Variants in SLIT3 observed in about 807,000 individuals in gnomAD.
The protein encoded by SLIT3 is slit homolog 3 protein.
A neutral mutation model predicts 184.0 loss-of-function variants in SLIT3; 68 were observed. That is an observed-to-expected ratio of 0.37 (90% confidence interval 0.30 to 0.45). SLIT3 has a LOEUF of 0.45. Ranked by LOEUF, SLIT3 falls within the 20% of genes least tolerant of loss-of-function variation. SLIT3 has a pLI of 1.00. For missense variants in SLIT3, 1,707 were observed against 2,026.0 expected, an observed-to-expected ratio of 0.84 and a Z score of 3.02; for synonymous variants, 831 against 828.6, an observed-to-expected ratio of 1.00 and a Z score of -0.05.
At chr5:169,117,866 C>T (rs556242995) in intron 4 of SLIT3, among the ~76,000 whole-genome samples, 4 of 152,298 alleles carry the variant, frequency 2.6e-5, no homozygotes, top group South Asian at 4.1e-4. Flanking sequence ...TGGCCCTTTA[C>T]GTGACACCCA....
At chr5:168,843,369 T>G (rs915574623) in intron 6 of SLIT3, among the ~76,000 whole-genome samples, 21 of 152,192 alleles carry the variant, frequency 1.4e-4, no homozygotes, top group African/African-American at 5.1e-4. Flanking sequence ...ACCTGTTTAT[T>G]TGGCATTCAT....
chr5:169,060,107 A>G (rs1758129866), intron 4 of SLIT3, among the ~76,000 whole-genome samples: 1 of 152,240 alleles, frequency 6.6e-6, no homozygotes, highest in Admixed American at 6.5e-5. Flanking sequence ...TGTTTGAAAT[A>G]GGCCACGCGC....
chr5:169,094,860 C>T (rs2113212871), intron 4 of SLIT3, among the ~76,000 whole-genome samples: 1 of 152,350 alleles, frequency 6.6e-6, no homozygotes, highest in Non-Finnish European at 1.5e-5. Context: ...TGCATCACAA[C>T]AGAAGAGCTG....
In SLIT3 at chr5:168,911,804, C is replaced by T. The variant is rs1365124297; in HGVS notation, c.414-28468G>A. Among the ~76,000 whole-genome samples the T allele has an allele frequency of 3.3e-5, 5 of 152,290 alleles. No individual in the cohort carries two copies. In the East Asian group the frequency reaches 9.6e-4, roughly 29 times the overall value. ...CTCATGTGTTGTAGCTCTCTCTTGCCTCAATTATCTTAGAGAGTCTTAGAA... is the reference window on the plus strand; with the variant it reads ...CTCATGTGTTGTAGCTCTCTCTTGCTTCAATTATCTTAGAGAGTCTTAGAA... On this transcript the variant is annotated intron_variant, in intron 4 of 35. Coordinates refer to ENST00000519560, the MANE Select transcript of SLIT3 (RefSeq NM_003062.4).
At chr5:168,896,524 T>C (rs1760668735) in intron 4 of SLIT3, among the ~76,000 whole-genome samples, 1 of 152,066 alleles carries the variant, frequency 6.6e-6, no homozygotes. Flanking sequence ...CAACTCCAGG[T>C]CAAGTTCAAT....
At chr5:169,022,191 C>A (rs1008759901) in intron 4 of SLIT3, 2 of 152,212 alleles carry the variant, frequency 1.3e-5, no homozygotes, top group African/African-American at 4.8e-5. Context: ...TGAAAGACAG[C>A]CTTCGAGAGT....
rs370363011 is a variant in SLIT3, at chr5:168,703,226, TTGTGTGTGTGTGTGTGTG to T, written c.2845-2565_2845-2548del. On this transcript the variant is annotated intron_variant, in intron 26 of 35. Transcript: ENST00000519560. ...CACACTTTCTACCCCTCATCCCACT[TTGTGTGTGTGTGTGTGTG>T]TGTGTGTGTGTGTGTGTGTGTGTGT... 5.7e-3 allele frequency among the ~76,000 whole-genome samples: 728 copies of T among 126,740 alleles called. 8 individuals carry two copies. Among genetic ancestry groups the T allele is most frequent in the African/African-American group, 0.018 (617 of 34,894 alleles). 83.1% of individuals were successfully genotyped at this position (126,740 alleles called of 152,430 possible). A position where few individuals can be genotyped will look rare whatever the true frequency, so the allele number is the denominator to read the frequency against.
rs188932500 is a variant in SLIT3 at position 168,662,480 on chromosome 5, G to A, written c.*3974C>T. 4.6e-5 allele frequency: 7 copies of A among 152,248 alleles called. No homozygotes were observed. The highest frequency in any genetic ancestry group is 3.4e-3 in the Middle Eastern group (1 of 294). The allele number at this position is 152,248 out of a possible 1,614,324, so 9.4% of individuals were successfully genotyped here. ...CACCTTTTTTTTCCCTCTGAGCTTG[G>A]GAGTTATCCCTCTTCTTGCCCTTCT... On this transcript the variant is annotated 3_prime_UTR_variant, in exon 36 of 36. Coordinates refer to ENST00000519560, the MANE Select transcript of SLIT3 (RefSeq NM_003062.4).
chr5:169,257,642 G>C (rs991005656), intron 1 of SLIT3, among the ~76,000 whole-genome samples: 1 of 141,048 alleles, frequency 7.1e-6, no homozygotes, highest in Admixed American at 7.7e-5. Flanking sequence ...CGCTTCCTGG[G>C]TTCAAGCGAT....
At chr5:169,039,473 C>T (rs7700573) in intron 4 of SLIT3, among the ~76,000 whole-genome samples, 2,580 of 151,960 alleles carry the variant, frequency 0.017, 60 homozygotes, top group African/African-American at 0.057. Context: ...CCTGCCACCA[C>T]GTCTGGCTAA....
intron 20 of SLIT3, among the ~76,000 whole-genome samples, chr5:168,734,842 T>C (rs1254544978): frequency 6.6e-6 from 1 of 152,178 alleles, no homozygotes; most frequent in Non-Finnish European, 1.5e-5. Context: ...ATCTGTGTGA[T>C]GAAAACCCCT....
chr5:168,994,550 C>T (rs984708590), intron 4 of SLIT3, among the ~76,000 whole-genome samples: 4 of 148,286 alleles, frequency 2.7e-5, no homozygotes, highest in South Asian at 2.2e-4. Context: ...CTTTGCCATT[C>T]GCTGGTCAAA....
In SLIT3 at chr5:169,182,127, G is replaced by A. The variant is rs111588467; in HGVS notation, c.413+11352C>T. Among the ~76,000 whole-genome samples the A allele has an allele frequency of 1.0e-3, 152 of 152,242 alleles. 1 individual carries two copies. Among genetic ancestry groups the A allele is most frequent in the Non-Finnish European group, 1.5e-3 (104 of 68,032 alleles). ...AGGCAGTGCTAATCAAGGGGCGGGC[G>A]GGCCACACTTCTAAGCAGGCTTCAT... On this transcript the variant is annotated intron_variant, in intron 4 of 35. Coordinates refer to ENST00000519560, the MANE Select transcript of SLIT3 (RefSeq NM_003062.4).
chr5:169,211,975 T>G (rs1764280508), intron 3 of SLIT3, among the ~76,000 whole-genome samples: 1 of 152,274 alleles, frequency 6.6e-6, no homozygotes, highest in Non-Finnish European at 1.5e-5. Flanking sequence ...TCCTTTTTTA[T>G]GGCTGCATAG....
rs775387338 is a variant in SLIT3, at chr5:168,666,406, A to ACTCCATC, written c.*41_*47dup. 3.3e-6 allele frequency: 5 copies of ACTCCATC among 1,496,990 alleles called. No homozygotes were observed. The highest frequency in any genetic ancestry group is 3.6e-6 in the Non-Finnish European group (4 of 1,125,038). The allele number at this position is 1,496,990 out of a possible 1,614,324, so 92.7% of individuals were successfully genotyped here. On this transcript the variant is annotated 3_prime_UTR_variant, in exon 36 of 36. Coordinates refer to ENST00000519560, the MANE Select transcript of SLIT3 (RefSeq NM_003062.4). ...CAGGGGGTCCCACATGGCTGTCCCA[A>ACTCCATC]CTCCATCAAGCTGGAGTCCGAGAGG...
At chr5:168,870,073 T>C (rs962829380) in intron 5 of SLIT3, among the ~76,000 whole-genome samples, 1 of 152,226 alleles carries the variant, frequency 6.6e-6, no homozygotes, top group Admixed American at 6.5e-5. Flanking sequence ...CTCTGAAACA[T>C]CTGCTCCAAT....
intron 4 of SLIT3, among the ~76,000 whole-genome samples, chr5:169,016,624 C>T (rs1756389798): frequency 6.6e-6 from 1 of 152,102 alleles, no homozygotes; most frequent in African/African-American, 2.4e-5. Flanking sequence ...GTGCTGAGCT[C>T]CTCATATATG....
chr5:169,200,585 T>A (rs2113486501), intron 3 of SLIT3, among the ~76,000 whole-genome samples: 1 of 152,286 alleles, frequency 6.6e-6, no homozygotes, highest in South Asian at 2.1e-4. Context: ...AGAACCAAAC[T>A]TCACAGGCCT....
At chr5:168,885,684 G>A (rs1046792800) in intron 4 of SLIT3, among the ~76,000 whole-genome samples, 5 of 152,188 alleles carry the variant, frequency 3.3e-5, no homozygotes, top group African/African-American at 1.2e-4. Flanking sequence ...TTTGGAAAAT[G>A]GTTGATGATC....
Sources: gnomAD v4.1 joint callset for allele counts (sites outside exome capture counted in the v4.1 genomes callset) on GRCh38, gnomAD v4.1.1 for gene constraint, MANE v1.5 for transcripts, NCBI Gene and HGNC (gene_info 2026-07-23, HGNC 2026-07-21) for gene names.